Variants in MAML2 observed in about 807,000 individuals in gnomAD.
MAML2 encodes the protein mastermind-like protein 2.
A neutral mutation model predicts 96.1 loss-of-function variants in MAML2; 22 were observed. The observed-to-expected ratio is 0.23, with a 90% CI of 0.16 to 0.33. The LOEUF (loss-of-function observed/expected upper bound fraction) is 0.33, where lower values mean the gene tolerates loss of function less well. Among genes scored for constraint, MAML2 ranks in the 10% least tolerant of loss-of-function variants. The pLI is 1.00. For synonymous variants in MAML2, 561 were observed against 521.3 expected (o/e 1.08, Z -1.04); for missense variants, 1,367 against 1,392.4 (o/e 0.98, Z 0.29).
Position 96,014,972 on chromosome 11 carries a change from C to T in MAML2, c.2140-23249G>A, listed in dbSNP as rs980982171. The stretch of plus-strand genomic sequence containing the variant: ...GTCACTACACTGGGCACTTTATACA[C>T]GATCACATTTCATAACTATAATAAC... On this transcript the variant is annotated intron_variant, in intron 2 of 4. Coordinates refer to ENST00000524717, the MANE Select transcript of MAML2 (RefSeq NM_032427.4). Among the ~76,000 whole-genome samples the T allele has an allele frequency of 4.6e-5, 7 of 152,302 alleles. No homozygotes were observed. In the East Asian group the frequency reaches 7.7e-4, roughly 17 times the overall value.
intron 1 of MAML2, among the ~76,000 whole-genome samples, chr11:96,127,054 A>C (rs1461396683): frequency 2.0e-5 from 3 of 152,104 alleles, no homozygotes; most frequent in African/African-American, 4.8e-5. Flanking sequence ...AATTAGGGAA[A>C]CCACACCCAC....
At chr11:96,162,895 C>G (rs1057095872) in intron 1 of MAML2, among the ~76,000 whole-genome samples, 4 of 152,130 alleles carry the variant, frequency 2.6e-5, no homozygotes, top group African/African-American at 9.7e-5. Flanking sequence ...TCCCAATTAG[C>G]CATGAAAAAC....
In MAML2 at chr11:96,093,331, G is replaced by A. The variant is rs778938926; in HGVS notation, c.700C>T (p.Pro234Ser). ...GQSQIMSGTLPMSQAPLRKTN... is the reference protein window; with the variant it reads ...GQSQIMSGTLSMSQAPLRKTN... ...TTTCGCAGGGGTGCTTGGCTCATAG[G>A]CAAGGTCCCTGACATAATCTGACTT... Residue 234 changes from proline to serine, a missense_variant, in exon 2 of 5, where the codon CCT (proline) becomes TCT (serine). By Grantham distance (74) the Pro-to-Ser change is moderately conservative. Transcript: ENST00000524717. 3.7e-6 allele frequency: 6 copies of A among 1,613,810 alleles called. No individual in the cohort carries two copies. The South Asian group carries it at 6.6e-5, about 18-fold the overall frequency.
intron 1 of MAML2, among the ~76,000 whole-genome samples, chr11:96,169,659 C>CTTTTTTTTTTTT (rs5793784): frequency 4.6e-4 from 66 of 144,928 alleles, no homozygotes; most frequent in African/African-American, 1.6e-3. Flanking sequence ...AGAAAGTAAA[C>CTTTTTTTTTTTT]TTTTTTTTTT....
chr11:96,175,124 T>C (rs183475674), intron 1 of MAML2, among the ~76,000 whole-genome samples: 14 of 152,320 alleles, frequency 9.2e-5, no homozygotes, highest in African/African-American at 3.1e-4. Flanking sequence ...CTTCTAATAA[T>C]TACCACAAAG....
intron 1 of MAML2, among the ~76,000 whole-genome samples, chr11:96,196,453 C>T (rs1421609467): frequency 6.6e-6 from 1 of 152,148 alleles, no homozygotes; most frequent in African/African-American, 2.4e-5. Context: ...TCTGATGATC[C>T]GTGGATACAG....
At chr11:96,054,474 T>A (rs1859032398) in intron 2 of MAML2, among the ~76,000 whole-genome samples, 1 of 151,856 alleles carries the variant, frequency 6.6e-6, no homozygotes, top group Admixed American at 6.6e-5. Flanking sequence ...CTAAGGGAGG[T>A]TGGACAGTTT....
At chr11:96,327,585 T>A (rs1863802136) in intron 1 of MAML2, among the ~76,000 whole-genome samples, 1 of 151,760 alleles carries the variant, frequency 6.6e-6, no homozygotes, top group African/African-American at 2.4e-5. Flanking sequence ...AGCACATTTA[T>A]TTTTTATTTT....
At position 96,055,435 on chromosome 11, in the gene MAML2, A is replaced by T. The variant is rs114758481; in HGVS notation, c.2139+36457T>A. ...AGAGAGGAAAGAGGCAGGGGGGAAA[A>T]AAAAGAGCCAGCTACTCCAAGAAGT... is the stretch of plus-strand genomic sequence containing the variant. On this transcript the variant is annotated intron_variant, in intron 2 of 4. Transcript: ENST00000524717. Among the ~76,000 whole-genome samples the T allele has an allele frequency of 6.3e-3, 955 of 152,304 alleles. 13 individuals are homozygous for T. Among genetic ancestry groups the T allele is most frequent in the African/African-American group, 0.022 (902 of 41,566 alleles).
intron 1 of MAML2, among the ~76,000 whole-genome samples, chr11:96,211,324 A>T (rs1403634479): frequency 1.3e-5 from 2 of 152,136 alleles, no homozygotes; most frequent in African/African-American, 2.4e-5. Context: ...AACTATAAAC[A>T]TTGAATGATA....
intron 1 of MAML2, among the ~76,000 whole-genome samples, chr11:96,142,029 G>A (rs778100451): frequency 5.3e-5 from 8 of 152,236 alleles, no homozygotes; most frequent in Non-Finnish European, 1.0e-4. Context: ...TCTGTTATGT[G>A]TAGCTAACAG....
intron 1 of MAML2, among the ~76,000 whole-genome samples, chr11:96,114,647 G>T (rs1860203524): frequency 6.6e-6 from 1 of 152,218 alleles, no homozygotes; most frequent in Non-Finnish European, 1.5e-5. Context: ...TCACCAGAGA[G>T]GCTCTCACCA....
intron 2 of MAML2, among the ~76,000 whole-genome samples, chr11:96,000,036 T>C (rs1858057562): frequency 6.6e-6 from 1 of 152,222 alleles, no homozygotes; most frequent in African/African-American, 2.4e-5. Context: ...TTGTCTGAAC[T>C]GTTTCAGATT....
At chr11:96,277,227 G>A (rs1468680479) in intron 1 of MAML2, among the ~76,000 whole-genome samples, 2 of 152,080 alleles carry the variant, frequency 1.3e-5, no homozygotes, top group African/African-American at 2.4e-5. Flanking sequence ...TCTGTATCTC[G>A]ATTTTTTTTT....
chr11:96,313,149 G>A (rs1469295579), intron 1 of MAML2, among the ~76,000 whole-genome samples: 1 of 152,180 alleles, frequency 6.6e-6, no homozygotes, highest in African/African-American at 2.4e-5. Flanking sequence ...GGAAACTGAG[G>A]TGCGGAGGTT....
chr11:96,069,851 C>T (rs1014881852), intron 2 of MAML2, among the ~76,000 whole-genome samples: 7 of 151,824 alleles, frequency 4.6e-5, no homozygotes, highest in Admixed American at 1.3e-4. Context: ...GGTGAAACCC[C>T]GTCTCTACTA....
At chr11:96,109,075 A>G (rs897266294) in intron 1 of MAML2, among the ~76,000 whole-genome samples, 21 of 152,128 alleles carry the variant, frequency 1.4e-4, no homozygotes, top group Admixed American at 1.4e-3. Flanking sequence ...CAGTAATTGA[A>G]CCAGATTTTC....
intron 2 of MAML2, among the ~76,000 whole-genome samples, chr11:95,994,491 A>G (rs977364085): frequency 6.6e-6 from 1 of 152,106 alleles, no homozygotes; most frequent in African/African-American, 2.4e-5. Flanking sequence ...GGAGGGCAAA[A>G]GGAGGAGGAA....
intron 2 of MAML2, among the ~76,000 whole-genome samples, chr11:96,032,694 T>C (rs1351557667): frequency 6.6e-6 from 1 of 151,902 alleles, no homozygotes; most frequent in Non-Finnish European, 1.5e-5. Context: ...ATTCATACAA[T>C]GTGATGCTAC....
Sources: allele counts gnomAD v4.1 joint callset (sites outside exome capture counted in the v4.1 genomes callset), GRCh38; gene constraint gnomAD v4.1.1; transcripts MANE v1.5; gene names NCBI Gene and HGNC (gene_info 2026-07-23, HGNC 2026-07-21).